Variants in EFCAB5 observed in about 807,000 individuals in gnomAD.
EFCAB5 encodes the protein EF-hand calcium binding domain 5, also known as EF-hand calcium-binding domain-containing protein 5.
In EFCAB5, 131 loss-of-function variants were observed where a neutral mutation model predicts 167.9. The ratio of observed to expected loss-of-function variants is 0.78; its 90% CI spans 0.68 to 0.90. The LOEUF is 0.90. Among genes scored for constraint, EFCAB5 ranks in the 40% least tolerant of loss-of-function variants. The pLI, the probability that EFCAB5 is intolerant of heterozygous loss-of-function variation, is 0.00. For synonymous variants in EFCAB5, 574 were observed against 602.8 expected (o/e 0.95, Z 0.70); for missense variants, 1,663 against 1,745.2 (o/e 0.95, Z 0.84).
chr17:30,020,599 C>G (rs2151705362), intron 7 of EFCAB5, among the ~76,000 whole-genome samples: 1 of 152,212 alleles, frequency 6.6e-6, no homozygotes, highest in Non-Finnish European at 1.5e-5. Context: ...AGGTGACCCA[C>G]CCGCCTCGGC....
intron 3 of EFCAB5, among the ~76,000 whole-genome samples, chr17:29,947,445 T>A (rs1567671563): frequency 2.0e-5 from 3 of 152,040 alleles, no homozygotes; most frequent in African/African-American, 7.2e-5. Context: ...GCAAGGGATT[T>A]AAAAAAACTG....
At chr17:30,085,502 C>T (rs1436378457) in intron 18 of EFCAB5, among the ~76,000 whole-genome samples, 2 of 152,082 alleles carry the variant, frequency 1.3e-5, no homozygotes, top group South Asian at 2.1e-4. Context: ...GGGCAGATCA[C>T]GAGGTCAGGA....
At chr17:29,988,269 G>T (rs1284224774) in intron 4 of EFCAB5, among the ~76,000 whole-genome samples, 1 of 152,164 alleles carries the variant, frequency 6.6e-6, no homozygotes, top group Non-Finnish European at 1.5e-5. Flanking sequence ...ACTGCTGTTT[G>T]CAATTGGGTA....
intron 10 of EFCAB5, among the ~76,000 whole-genome samples, chr17:30,055,127 A>G (rs1031672827): frequency 9.9e-5 from 15 of 151,876 alleles, no homozygotes; most frequent in African/African-American, 3.6e-4. Flanking sequence ...GCGAAACGCC[A>G]TCTCAAAAAA....
At chr17:30,096,106 A>T (rs567811993) in intron 22 of EFCAB5, among the ~76,000 whole-genome samples, 167 of 152,338 alleles carry the variant, frequency 1.1e-3, no homozygotes, top group Non-Finnish European at 1.8e-3. Flanking sequence ...TACAATGCAC[A>T]AGAGAAGGGT....
intron 7 of EFCAB5, among the ~76,000 whole-genome samples, chr17:30,025,359 G>C (rs998205995): frequency 6.6e-6 from 1 of 152,012 alleles, no homozygotes; most frequent in Non-Finnish European, 1.5e-5. Flanking sequence ...GTGGGCAAAG[G>C]GTATGAACAG....
At chr17:29,998,116 C>T (rs925144317) in intron 6 of EFCAB5, among the ~76,000 whole-genome samples, 4 of 152,152 alleles carry the variant, frequency 2.6e-5, no homozygotes, top group Admixed American at 2.6e-4. Context: ...TTCCCGTCTT[C>T]CTGATCACTG....
chr17:29,931,281 C>G (rs942298108), intron 1 of EFCAB5, among the ~76,000 whole-genome samples: 2 of 152,216 alleles, frequency 1.3e-5, no homozygotes, highest in Admixed American at 6.5e-5. Context: ...CCCACCCCCT[C>G]CTGTTTGTCA....
At chr17:30,028,110 T>G (rs1295607049) in intron 7 of EFCAB5, among the ~76,000 whole-genome samples, 1 of 152,182 alleles carries the variant, frequency 6.6e-6, no homozygotes, top group African/African-American at 2.4e-5. Flanking sequence ...CTGCCTGGAT[T>G]CTCTTTTTTG....
At chr17:29,942,913 G>A (rs758997001) in intron 2 of EFCAB5, among the ~76,000 whole-genome samples, 11 of 151,894 alleles carry the variant, frequency 7.2e-5, no homozygotes, top group East Asian at 1.9e-4. Flanking sequence ...TGGTGCATGC[G>A]TGTAATCCTA....
intron 3 of EFCAB5, among the ~76,000 whole-genome samples, chr17:29,956,801 C>T (rs150425184): frequency 0.01 from 1,531 of 151,010 alleles, 8 homozygotes; most frequent in Non-Finnish European, 0.016. Context: ...TTAGAAGTCA[C>T]GGGAGTGATT....
At chr17:29,991,748 G>C (rs2068425070) in intron 4 of EFCAB5, among the ~76,000 whole-genome samples, 1 of 152,186 alleles carries the variant, frequency 6.6e-6, no homozygotes, top group Non-Finnish European at 1.5e-5. Flanking sequence ...TGGGGGGCCT[G>C]TTCCCAACAC....
Position 30,092,821 on chromosome 17 carries a change from T to C in EFCAB5, c.4225-19T>C, listed in dbSNP as rs758277353. ...CTTCCTGGTGATCCCATAAATTTTCTCTTGTTGTTTGTTCACAGTATGTTA... is the reference window on the plus strand; with the variant it reads ...CTTCCTGGTGATCCCATAAATTTTCCCTTGTTGTTTGTTCACAGTATGTTA... On this transcript the variant is annotated intron_variant, in intron 21 of 22. Coordinates refer to ENST00000394835, the MANE Select transcript of EFCAB5 (RefSeq NM_198529.4). 1 of 1,579,298 alleles carries C rather than the reference T, an allele frequency of 6.3e-7. No individual in the cohort carries two copies. The highest frequency in any genetic ancestry group is 1.7e-5 in the Admixed American group (1 of 57,392).
intron 22 of EFCAB5, among the ~76,000 whole-genome samples, chr17:30,105,737 CTTAAT>C (rs1361991210): frequency 1.3e-5 from 2 of 152,050 alleles, no homozygotes; most frequent in African/African-American, 2.4e-5. Flanking sequence ...TTCATTATTC[CTTAAT>C]TTAATGTTTC....
chr17:30,013,459 A>C (rs1172313047), intron 7 of EFCAB5, among the ~76,000 whole-genome samples: 1 of 151,804 alleles, frequency 6.6e-6, no homozygotes, highest in African/African-American at 2.4e-5. Context: ...GTAAGCTATT[A>C]ATTGTTGCCT....
chr17:29,967,713 T>G (rs549099308), intron 3 of EFCAB5, among the ~76,000 whole-genome samples: 1 of 152,262 alleles, frequency 6.6e-6, no homozygotes, highest in Admixed American at 6.5e-5. Flanking sequence ...TGCTAGAGAT[T>G]TTGGTAGGGG....
intron 1 of EFCAB5, among the ~76,000 whole-genome samples, chr17:29,931,266 T>G (rs2067190179): frequency 6.6e-6 from 1 of 152,200 alleles, no homozygotes; most frequent in Non-Finnish European, 1.5e-5. Flanking sequence ...TTGCAGTTAT[T>G]AAAACCCACC....
intron 3 of EFCAB5, among the ~76,000 whole-genome samples, chr17:29,960,941 C>G (rs1453598068): frequency 6.6e-6 from 1 of 152,110 alleles, no homozygotes; most frequent in East Asian, 1.9e-4. Context: ...AGCAATCCTC[C>G]CACCTCAGCC....
At chr17:29,942,710 TC>T (rs2067317520) in intron 2 of EFCAB5, among the ~76,000 whole-genome samples, 1 of 152,130 alleles carries the variant, frequency 6.6e-6, no homozygotes, top group East Asian at 1.9e-4. Context: ...TTAAAAATAG[TC>T]CTATAGATTC....
Sources: allele counts gnomAD v4.1 joint callset (sites outside exome capture counted in the v4.1 genomes callset), GRCh38; gene constraint gnomAD v4.1.1; transcripts MANE v1.5; gene names NCBI Gene and HGNC (gene_info 2026-07-23, HGNC 2026-07-21).